Variants in CNTNAP5 observed in about 807,000 individuals in gnomAD.
CNTNAP5 encodes the protein contactin-associated protein-like 5.
Under a neutral mutation model 150.2 loss-of-function variants are expected in CNTNAP5, and 72 were observed. The ratio of observed to expected loss-of-function variants is 0.48; its 90% CI spans 0.40 to 0.58. The LOEUF (loss-of-function observed/expected upper bound fraction) is 0.58. Among genes scored for constraint, CNTNAP5 ranks in the 20% least tolerant of loss-of-function variants. CNTNAP5 has a pLI of 0.00. For missense variants in CNTNAP5, 1,636 were observed against 1,626.2 expected (o/e 1.01, Z -0.10); for synonymous variants, 672 against 619.8 (o/e 1.08, Z -1.25).
rs116278565 is a variant in CNTNAP5, at chr2:124,629,100, C to T, written c.1877-18658C>T. On this transcript the variant is annotated intron_variant, in intron 12 of 23. Coordinates refer to ENST00000682447, the MANE Select transcript of CNTNAP5 (RefSeq NM_001367498.1). The stretch of plus-strand genomic sequence containing the variant: ...CCACAAAGAGACTCAGACCCCCACA[C>T]AATGATAGTGGGAGACTTTAAAACC... Among the ~76,000 whole-genome samples the T allele has an allele frequency of 3.6e-3, 543 of 152,292 alleles. 1 individual carries two copies. The highest frequency in any genetic ancestry group is 6.3e-3 in the Non-Finnish European group (427 of 68,024).
rs541049502 is a variant in CNTNAP5 at position 124,165,788 on chromosome 2, C to T, written c.83-55917C>T. On this transcript the variant is annotated intron_variant, in intron 1 of 23. Transcript: ENST00000682447. Reference sequence around the variant, plus strand: ...CTGGAGGGATCTGTCCCTGCCTCTACGATTAAAAATCAGAAATTTTCCACA... The same window carrying T: ...CTGGAGGGATCTGTCCCTGCCTCTATGATTAAAAATCAGAAATTTTCCACA... Among the ~76,000 whole-genome samples the T allele has an allele frequency of 1.2e-3, 187 of 152,242 alleles. 1 individual carries two copies. The Middle Eastern group carries it at 0.02, about 17-fold the overall frequency.
chr2:124,112,131 A>G (rs1441517137), intron 1 of CNTNAP5, among the ~76,000 whole-genome samples: 1 of 152,210 alleles, frequency 6.6e-6, no homozygotes, highest in Non-Finnish European at 1.5e-5. Flanking sequence ...TCAGGCTTGT[A>G]TAGAAATCTG....
chr2:124,915,607 T>C lies in CNTNAP5; in HGVS notation c.*1319T>C, dbSNP rs779112807. On this transcript the variant is annotated 3_prime_UTR_variant, in exon 24 of 24. Coordinates refer to ENST00000682447, the MANE Select transcript of CNTNAP5 (RefSeq NM_001367498.1). ...TAGCATACCACATTTTCAAATCTGC[T>C]ATACCCTATATACATAAAGACCCTT... 7.2e-4 allele frequency among the ~76,000 whole-genome samples: 109 copies of C among 152,158 alleles called. No homozygotes were observed. The highest frequency in any genetic ancestry group is 3.9e-4 in the East Asian group (2 of 5,132).
At chr2:124,765,909 T>C (rs1000454234) in intron 16 of CNTNAP5, among the ~76,000 whole-genome samples, 1 of 151,958 alleles carries the variant, frequency 6.6e-6, no homozygotes, top group Non-Finnish European at 1.5e-5. Context: ...TAAGCCAAGA[T>C]TGCACTACTG....
intron 1 of CNTNAP5, among the ~76,000 whole-genome samples, chr2:124,172,791 GTGT>G (rs1349651379): frequency 2.0e-5 from 3 of 151,938 alleles, no homozygotes; most frequent in Admixed American, 2.0e-4. Flanking sequence ...GTGTGTGTGT[GTGT>G]GTGTGTGTAC....
Position 124,504,487 on chromosome 2 carries a change from A to G in CNTNAP5, c.1258A>G (p.Ser420Gly). 6.2e-7 allele frequency: 1 copy of G among 1,613,726 alleles called. No homozygotes were observed. The highest frequency in any genetic ancestry group is 8.5e-7 in the Non-Finnish European group (1 of 1,179,796). ...LSEGSGTLLL[S>G]LEGGILRLVI... ...TGAGGGCTCGGGAACCCTGCTGCTG[A>G]GCCTGGAGGGTGGAATCCTGAGACT... Residue 420 changes from serine to glycine, a missense_variant, in exon 8 of 24, where the codon AGC (serine) becomes GGC (glycine). Ser to Gly is a moderately conservative substitution (Grantham distance 56). Coordinates refer to ENST00000682447, the MANE Select transcript of CNTNAP5 (RefSeq NM_001367498.1).
chr2:124,261,875 CAT>C (rs142059294), intron 3 of CNTNAP5, among the ~76,000 whole-genome samples: 5,621 of 152,234 alleles, frequency 0.037, 284 homozygotes, highest in African/African-American at 0.12. Context: ...GTCAAGGAAA[CAT>C]GTGCAGATTA....
At chr2:124,769,496 G>A (rs746165368) in intron 16 of CNTNAP5, among the ~76,000 whole-genome samples, 4 of 152,042 alleles carry the variant, frequency 2.6e-5, no homozygotes, top group Non-Finnish European at 5.9e-5. Context: ...GAACTTAGAG[G>A]GTAAGTTCAT....
chr2:124,711,826 G>A (rs543572117), intron 13 of CNTNAP5, among the ~76,000 whole-genome samples: 1 of 152,192 alleles, frequency 6.6e-6, no homozygotes, highest in South Asian at 2.1e-4. Flanking sequence ...GGACAGCAGA[G>A]CAATACTCTG....
rs916543528 is a variant in CNTNAP5 at position 124,543,061 on chromosome 2, A to G, written c.1649+15605A>G. On this transcript the variant is annotated intron_variant, in intron 10 of 23. Transcript: ENST00000682447. ...TCTTGAAAACTTCCCAATGTGGTTCACGCCAAATACTGCTCTATTTGAATA... is the reference window on the plus strand; with the variant it reads ...TCTTGAAAACTTCCCAATGTGGTTCGCGCCAAATACTGCTCTATTTGAATA... Among the ~76,000 whole-genome samples, 3 of 152,178 alleles carry G rather than the reference A, an allele frequency of 2.0e-5. No individual in the cohort carries two copies. In the South Asian group the frequency reaches 6.2e-4, roughly 32 times the overall value.
intron 1 of CNTNAP5, among the ~76,000 whole-genome samples, chr2:124,148,857 G>C (rs1016347365): frequency 7.9e-6 from 1 of 126,826 alleles, no homozygotes; most frequent in African/African-American, 2.5e-5. Context: ...CATCTATAGA[G>C]AGAGAGGTGT....
chr2:124,338,415 T>C (rs1288255808), intron 3 of CNTNAP5, among the ~76,000 whole-genome samples: 1 of 151,930 alleles, frequency 6.6e-6, no homozygotes, highest in Admixed American at 6.6e-5. Flanking sequence ...TGAATAGGAG[T>C]GGTGAGAGAG....
At chr2:124,850,901 G>A (rs1683140455) in intron 19 of CNTNAP5, among the ~76,000 whole-genome samples, 2 of 152,120 alleles carry the variant, frequency 1.3e-5, no homozygotes, top group South Asian at 4.1e-4. Flanking sequence ...ACAGTTCATT[G>A]GTGAATTAAT....
intron 1 of CNTNAP5, among the ~76,000 whole-genome samples, chr2:124,029,383 A>G (rs1043508143): frequency 1.1e-4 from 16 of 152,194 alleles, no homozygotes; most frequent in African/African-American, 3.8e-4. Context: ...TCCAATGCTC[A>G]TTTGGAAGAG....
chr2:124,246,083 G>A (rs574911237), intron 3 of CNTNAP5, among the ~76,000 whole-genome samples: 6 of 151,710 alleles, frequency 4.0e-5, no homozygotes, highest in Non-Finnish European at 5.9e-5. Flanking sequence ...GGTCTTCTGC[G>A]GACCCTCAAA....
chr2:124,559,344 G>A (rs528447518), intron 10 of CNTNAP5, among the ~76,000 whole-genome samples: 6 of 151,302 alleles, frequency 4.0e-5, no homozygotes, highest in Admixed American at 3.9e-4. Context: ...TGCACATTCT[G>A]CTTTTATACA....
intron 1 of CNTNAP5, among the ~76,000 whole-genome samples, chr2:124,130,384 G>A (rs1683815934): frequency 6.6e-6 from 1 of 151,852 alleles, no homozygotes; most frequent in East Asian, 1.9e-4. Context: ...AATTCCCACT[G>A]TGCTTGTTCA....
At chr2:124,703,058 T>C (rs1236055265) in intron 13 of CNTNAP5, among the ~76,000 whole-genome samples, 1 of 152,110 alleles carries the variant, frequency 6.6e-6, no homozygotes, top group African/African-American at 2.4e-5. Flanking sequence ...AACAAAGATT[T>C]TAAACCTCTG....
chr2:124,234,795 G>A (rs944730628), intron 2 of CNTNAP5, among the ~76,000 whole-genome samples: 2 of 152,160 alleles, frequency 1.3e-5, no homozygotes, highest in African/African-American at 4.8e-5. Flanking sequence ...ATTTATTGGA[G>A]GACATCAGCA....
Sources: gnomAD v4.1 joint callset for allele counts (sites outside exome capture counted in the v4.1 genomes callset) on GRCh38, gnomAD v4.1.1 for gene constraint, MANE v1.5 for transcripts, NCBI Gene and HGNC (gene_info 2026-07-23, HGNC 2026-07-21) for gene names.